TNFSF8: variants seen among roughly 807,000 people sequenced by gnomAD.
TNFSF8 encodes the protein TNF superfamily member 8.
In TNFSF8, 4 loss-of-function variants were observed where a neutral mutation model predicts 22.0. The ratio of observed to expected loss-of-function variants is 0.18; its 90% CI spans 0.09 to 0.42. TNFSF8 has a LOEUF of 0.42. Ranked by LOEUF, TNFSF8 falls within the 10% of genes least tolerant of loss-of-function variation. TNFSF8 has a pLI of 1.00. For synonymous variants in TNFSF8, 106 were observed against 112.5 expected, an observed-to-expected ratio of 0.94 and a Z score of 0.37; for missense variants, 233 against 281.8, an observed-to-expected ratio of 0.83 and a Z score of 1.24.
chr9:114,894,975 A>C (rs533809025), intron 4 of TNFSF8, among the ~76,000 whole-genome samples: 5 of 152,212 alleles, frequency 3.3e-5, no homozygotes, highest in African/African-American at 1.2e-4. Flanking sequence ...GCATCAGGCC[A>C]GCTGGTAAAA....
intron 2 of TNFSF8, among the ~76,000 whole-genome samples, chr9:114,908,173 C>T (rs912365183): frequency 6.6e-6 from 1 of 152,214 alleles, no homozygotes; most frequent in African/African-American, 2.4e-5. Flanking sequence ...AGTGAACCCT[C>T]AGGGCAGAGA....
rs759402693 is a variant in TNFSF8 at position 114,904,061 on chromosome 9, TGAGA to T, written c.571_574del (p.Ser191AsnfsTer23). 1 of 1,614,104 alleles carries T rather than the reference TGAGA, an allele frequency of 6.2e-7. No individual in the cohort carries two copies. Among genetic ancestry groups the T allele is most frequent in the Non-Finnish European group, 8.5e-7 (1 of 1,179,972 alleles). On this transcript the variant is annotated frameshift_variant, in exon 4 of 4. Coordinates refer to ENST00000223795, the MANE Select transcript of TNFSF8 (RefSeq NM_001244.4). LOFTEE classifies it high-confidence loss of function. ...GACCTGCAGGTAATCCAGCAAGAAT[TGAGA>T]GAGATTCTGGTATACGTGTTTCGTT...
intron 1 of TNFSF8, among the ~76,000 whole-genome samples, chr9:114,924,896 CA>C (rs1828037159): frequency 6.6e-6 from 1 of 152,206 alleles, no homozygotes; most frequent in South Asian, 2.1e-4. Flanking sequence ...TAACCTCACA[CA>C]GGGCTCGCTC....
chr9:114,915,378 A>C (rs1037227064), intron 2 of TNFSF8, among the ~76,000 whole-genome samples: 3 of 152,180 alleles, frequency 2.0e-5, no homozygotes, highest in African/African-American at 7.2e-5. Context: ...TGAGGCTCAG[A>C]GAGGAGAAAA....
chr9:114,930,236 G>C lies in TNFSF8; in HGVS notation c.68C>G (p.Pro23Arg), dbSNP rs780504470. Residue 23 changes from proline to arginine, a missense_variant, in exon 1 of 4, where the codon CCG (proline) becomes CGG (arginine). Pro to Arg is a moderately radical substitution (Grantham distance 103). Transcript: ENST00000223795. Reference protein sequence around the residue: ...APPGDTAMHVPAGSVASHLGT... With the variant: ...APPGDTAMHVRAGSVASHLGT... ...CAGGTGGCTGGCCACGGAGCCCGCCGGCACATGCATGGCTGTGTCTCCAGG... is the reference window on the plus strand; with the variant it reads ...CAGGTGGCTGGCCACGGAGCCCGCCCGCACATGCATGGCTGTGTCTCCAGG... 6.2e-7 allele frequency: 1 copy of C among 1,607,654 alleles called. No individual in the cohort carries two copies. The highest frequency in any genetic ancestry group is 8.5e-7 in the Non-Finnish European group (1 of 1,176,894).
At position 114,902,355 on chromosome 9, in the gene TNFSF8, A is replaced by G. The variant is rs569572380; in HGVS notation, c.*1576T>C. 30 of 985,330 alleles carry G rather than the reference A, an allele frequency of 3.0e-5. No homozygotes were observed. Among genetic ancestry groups the G allele is most frequent in the Non-Finnish European group, 3.5e-5 (29 of 829,938 alleles). 61.0% of individuals were successfully genotyped at this position (985,330 alleles called of 1,614,324 possible). On this transcript the variant is annotated 3_prime_UTR_variant, in exon 4 of 4. Transcript: ENST00000223795. ...ATATTATGCAGGGGATGGAGCAGCC[A>G]TTCCCTGGCTAGATGACCACATCAC...
At chr9:114,912,699 G>A (rs530713564) in intron 2 of TNFSF8, among the ~76,000 whole-genome samples, 42 of 152,336 alleles carry the variant, frequency 2.8e-4, no homozygotes, top group South Asian at 8.3e-4. Context: ...CCGCTAGGGC[G>A]GCTGTCATCT....
At position 114,902,294 on chromosome 9, in the gene TNFSF8, G is replaced by A. The variant is rs1304251990; in HGVS notation, c.*1637C>T. 3 of 985,240 alleles carry A rather than the reference G, an allele frequency of 3.0e-6. No individual in the cohort carries two copies. Among genetic ancestry groups the A allele is most frequent in the Non-Finnish European group, 2.4e-6 (2 of 829,934 alleles). 61.0% of individuals were successfully genotyped at this position (985,240 alleles called of 1,614,324 possible). A position where few individuals can be genotyped will look rare whatever the true frequency, so the allele number is the denominator to read the frequency against. ...TTTGTGGGGATATAAAAACCCTCGC[G>A]GAACTGGTTTTCTGAGAGGTGTTTG... On this transcript the variant is annotated 3_prime_UTR_variant, in exon 4 of 4. Transcript: ENST00000223795.
At chr9:114,923,043 G>A (rs888663740) in intron 1 of TNFSF8, among the ~76,000 whole-genome samples, 1 of 152,026 alleles carries the variant, frequency 6.6e-6, no homozygotes, top group African/African-American at 2.4e-5. Flanking sequence ...GCTCAGATAT[G>A]GGCTTAGGAA....
At chr9:114,896,255 A>G (rs952353305), downstream of TNFSF8, among the ~76,000 whole-genome samples, 2 of 152,190 alleles carry the variant, frequency 1.3e-5, no homozygotes, top group Non-Finnish European at 2.9e-5. Flanking sequence ...AGATGCCTGC[A>G]TTTTTAACAA....
chr9:114,918,467 T>C (rs1827947387), intron 1 of TNFSF8, among the ~76,000 whole-genome samples: 1 of 151,968 alleles, frequency 6.6e-6, no homozygotes, highest in African/African-American at 2.4e-5. Flanking sequence ...TTTTTTTTTT[T>C]TAGACAAAGT....
downstream of TNFSF8, among the ~76,000 whole-genome samples, chr9:114,900,220 G>A (rs1451616405): frequency 1.3e-5 from 2 of 152,208 alleles, no homozygotes; most frequent in African/African-American, 4.8e-5. Context: ...GAAGCTGGCA[G>A]AATCTGTCAG....
In TNFSF8 at chr9:114,901,602, T is replaced by G; in HGVS notation, c.*2329A>C. On this transcript the variant is annotated 3_prime_UTR_variant, in exon 4 of 4. Coordinates refer to ENST00000223795, the MANE Select transcript of TNFSF8 (RefSeq NM_001244.4). ...ATGAGTTGGTTTAAGCAAGATTCAT[T>G]TGTCCTATGCAGTTAGTGTGTGACT... 1.0e-6 allele frequency: 1 copy of G among 985,320 alleles called. No individual in the cohort carries two copies. The highest frequency in any genetic ancestry group is 1.2e-6 in the Non-Finnish European group (1 of 829,800). The allele number at this position is 985,320 out of a possible 1,614,324, so 61.0% of individuals were successfully genotyped here.
In TNFSF8 at chr9:114,901,494, T is replaced by C; in HGVS notation, c.*2437A>G. The C allele has an allele frequency of 1.2e-5, 12 of 985,394 alleles. No individual in the cohort carries two copies. Among genetic ancestry groups the C allele is most frequent in the Non-Finnish European group, 1.3e-5 (11 of 829,906 alleles). The allele number at this position is 985,394 out of a possible 1,614,324, so 61.0% of individuals were successfully genotyped here. A position where few individuals can be genotyped will look rare whatever the true frequency, so the allele number is the denominator to read the frequency against. On this transcript the variant is annotated 3_prime_UTR_variant, in exon 4 of 4. Coordinates refer to ENST00000223795, the MANE Select transcript of TNFSF8 (RefSeq NM_001244.4). ...CAGTTGGTGAAAAATGAAAATGGAA[T>C]CTTTCTCGAGTTAGAATGTGAGATG... is the stretch of plus-strand genomic sequence containing the variant.
chr9:114,926,776 C>T (rs977294706), intron 1 of TNFSF8, among the ~76,000 whole-genome samples: 1 of 151,972 alleles, frequency 6.6e-6, no homozygotes. Flanking sequence ...TGGAAGGACA[C>T]ACAAGAATCT....
chr9:114,912,386 A>G (rs1400850970), intron 2 of TNFSF8, among the ~76,000 whole-genome samples: 1 of 152,182 alleles, frequency 6.6e-6, no homozygotes, highest in Non-Finnish European at 1.5e-5. Context: ...AACAATTTCA[A>G]GGAATGGGCC....
chr9:114,928,937 T>G (rs143169494), intron 1 of TNFSF8, among the ~76,000 whole-genome samples: 1 of 152,244 alleles, frequency 6.6e-6, no homozygotes, highest in East Asian at 1.9e-4. Flanking sequence ...CTAAGAAAAC[T>G]GAAGAAAAAC....
chr9:114,910,236 TA>T (rs1827836231), intron 2 of TNFSF8, among the ~76,000 whole-genome samples: 2 of 151,960 alleles, frequency 1.3e-5, no homozygotes, highest in South Asian at 4.1e-4. Context: ...AGGAGAGAGA[TA>T]GAAAGAGAGG....
At chr9:114,905,651 C>G (rs549038478) in intron 3 of TNFSF8, among the ~76,000 whole-genome samples, 177 bp downstream of exon 3, 1 of 152,198 alleles carries the variant, frequency 6.6e-6, no homozygotes, top group Admixed American at 6.5e-5. Context: ...GAATGACGCT[C>G]TCCCCGCTAA....
Sources: allele counts gnomAD v4.1 joint callset (sites outside exome capture counted in the v4.1 genomes callset), GRCh38; gene constraint gnomAD v4.1.1; transcripts MANE v1.5; gene names NCBI Gene and HGNC (gene_info 2026-07-23, HGNC 2026-07-21).